The following THSD7A variants were observed in gnomAD, a reference collection of about 807,000 sequenced individuals.
The protein encoded by THSD7A is thrombospondin type-1 domain-containing protein 7A.
Under a neutral mutation model 231.3 loss-of-function variants are expected in THSD7A, and 96 were observed. The observed-to-expected ratio is 0.41, with a 90% CI of 0.35 to 0.49. The LOEUF is 0.49. THSD7A is among the 20% of genes least tolerant of loss of function. The probability of loss-of-function intolerance (pLI) is 0.05; values close to 1 mark genes in which losing one functional copy is unlikely to be tolerated. For synonymous variants in THSD7A, 940 were observed against 743.3 expected, an observed-to-expected ratio of 1.26 and a Z score of -4.30; for missense variants, 2,290 against 2,070.2, an observed-to-expected ratio of 1.11 and a Z score of -2.06.
chr7:11,509,736 G>A (rs1787713391), intron 6 of THSD7A, among the ~76,000 whole-genome samples: 2 of 147,772 alleles, frequency 1.4e-5, no homozygotes, highest in Admixed American at 1.4e-4. Flanking sequence ...GCAGGAGAAT[G>A]GCATGAACCC....
Position 11,523,123 on chromosome 7 carries a change from T to C in THSD7A, c.1822+18296A>G, listed in dbSNP as rs368190591. ...CCTAATGAAACATAACACATAATTTTCAGTTCTATATTGCTTTTGTACTTT... is the reference window on the plus strand; with the variant it reads ...CCTAATGAAACATAACACATAATTTCCAGTTCTATATTGCTTTTGTACTTT... On this transcript the variant is annotated intron_variant, in intron 6 of 27. Coordinates refer to ENST00000423059, the MANE Select transcript of THSD7A (RefSeq NM_015204.3). Among the ~76,000 whole-genome samples the C allele has an allele frequency of 1.4e-4, 21 of 152,266 alleles. No individual in the cohort carries two copies. In the South Asian group the frequency reaches 4.1e-3, roughly 30 times the overall value.
intron 1 of THSD7A, among the ~76,000 whole-genome samples, chr7:11,768,956 A>G (rs537560566): frequency 4.7e-4 from 67 of 143,506 alleles, no homozygotes; most frequent in South Asian, 2.5e-3. Flanking sequence ...GTTTTGTTTT[A>G]TTTTTGTTTT....
At chr7:11,423,430 G>C (rs1267175777) in intron 16 of THSD7A, among the ~76,000 whole-genome samples, 1 of 149,046 alleles carries the variant, frequency 6.7e-6, no homozygotes, top group African/African-American at 2.5e-5. Context: ...GTGCAGTGGC[G>C]CGATCTCGGC....
In THSD7A at chr7:11,720,129, C is replaced by A. The variant is rs1476998646; in HGVS notation, c.191-83168G>T. Among the ~76,000 whole-genome samples the A allele has an allele frequency of 4.6e-5, 7 of 151,786 alleles. No individual in the cohort carries two copies. In the South Asian group the frequency reaches 1.5e-3, roughly 32 times the overall value. ...GGGTACGATATAAATACATTTTGAA[C>A]GTCCATAGATCTTTCACCACTGCCC... On this transcript the variant is annotated intron_variant, in intron 1 of 27. Coordinates refer to ENST00000423059, the MANE Select transcript of THSD7A (RefSeq NM_015204.3).
intron 8 of THSD7A, among the ~76,000 whole-genome samples, chr7:11,472,702 C>T (rs545420099): frequency 6.6e-5 from 10 of 152,194 alleles, no homozygotes; most frequent in African/African-American, 2.2e-4. Context: ...CACATATAGG[C>T]GTGTACATAT....
At chr7:11,573,505 G>A (rs1790741246) in intron 4 of THSD7A, among the ~76,000 whole-genome samples, 1 of 152,194 alleles carries the variant, frequency 6.6e-6, no homozygotes, top group Non-Finnish European at 1.5e-5. Flanking sequence ...CAATTTTGAA[G>A]CTCAGTTCAC....
intron 13 of THSD7A, among the ~76,000 whole-genome samples, chr7:11,436,893 C>T (rs1554307342): frequency 6.6e-6 from 1 of 151,916 alleles, no homozygotes; most frequent in Non-Finnish European, 1.5e-5. Flanking sequence ...TATAAAATGT[C>T]TATTTAAAAG....
At chr7:11,391,106 G>A (rs1174450413) in intron 23 of THSD7A, among the ~76,000 whole-genome samples, 1 of 152,226 alleles carries the variant, frequency 6.6e-6, no homozygotes, top group Non-Finnish European at 1.5e-5. Flanking sequence ...CTGTTCCTTA[G>A]CAGAGATCAA....
chr7:11,827,283 T>C (rs369672697), intron 1 of THSD7A, among the ~76,000 whole-genome samples: 268 of 152,336 alleles, frequency 1.8e-3, no homozygotes, highest in African/African-American at 6.4e-3. Flanking sequence ...TATTCAACTT[T>C]ATTGATACTG....
chr7:11,510,244 T>A (rs777958863), intron 6 of THSD7A, among the ~76,000 whole-genome samples: 10 of 152,130 alleles, frequency 6.6e-5, no homozygotes, highest in Non-Finnish European at 1.3e-4. Context: ...AATCCCTGAA[T>A]AGACCAACAA....
In THSD7A at chr7:11,469,922, G is replaced by A; in HGVS notation, c.2325C>T (p.Thr775=). 2 of 1,603,202 alleles carry A rather than the reference G, an allele frequency of 1.2e-6. No individual in the cohort carries two copies. Among genetic ancestry groups the A allele is most frequent in the East Asian group, 4.5e-5 (2 of 44,550 alleles). ...LLPCKKDCIV[T]PYSDWTSCPS... ...GGCATGATGTCCAGTCACTATATGGGGTCACAATACAGTCCTTCTTACAAG... is the reference window on the plus strand; with the variant it reads ...GGCATGATGTCCAGTCACTATATGGAGTCACAATACAGTCCTTCTTACAAG... The change falls in exon 9 of 28, where the codon ACC becomes ACT. Residue 775 remains threonine (T), a synonymous_variant. Coordinates refer to ENST00000423059, the MANE Select transcript of THSD7A (RefSeq NM_015204.3).
chr7:11,610,607 A>T (rs1217485264), intron 2 of THSD7A, among the ~76,000 whole-genome samples: 1 of 152,158 alleles, frequency 6.6e-6, no homozygotes, highest in East Asian at 1.9e-4. Context: ...TTCTGCACTC[A>T]GAGAAATGGG....
chr7:11,767,583 T>C (rs1290588012), intron 1 of THSD7A, among the ~76,000 whole-genome samples: 1 of 152,176 alleles, frequency 6.6e-6, no homozygotes, highest in African/African-American at 2.4e-5. Context: ...ACTTTCAAAA[T>C]TATTGTATAT....
chr7:11,736,565 G>A (rs1282315407), intron 1 of THSD7A, among the ~76,000 whole-genome samples: 1 of 151,812 alleles, frequency 6.6e-6, no homozygotes, highest in East Asian at 1.9e-4. Context: ...ACTATTTAAA[G>A]CTATTGTAAG....
At chr7:11,519,477 C>A (rs1788173244) in intron 6 of THSD7A, among the ~76,000 whole-genome samples, 1 of 152,148 alleles carries the variant, frequency 6.6e-6, no homozygotes, top group Admixed American at 6.5e-5. Context: ...ATGTTCACTT[C>A]GCTAGGTACT....
At chr7:11,694,068 G>A (rs763429597) in intron 1 of THSD7A, among the ~76,000 whole-genome samples, 1 of 151,480 alleles carries the variant, frequency 6.6e-6, no homozygotes, top group African/African-American at 2.4e-5. Context: ...CTATATAAAA[G>A]TATGAATGAA....
intron 2 of THSD7A, among the ~76,000 whole-genome samples, chr7:11,612,044 C>T (rs888414381): frequency 6.6e-6 from 1 of 152,082 alleles, no homozygotes; most frequent in African/African-American, 2.4e-5. Context: ...CATGACATTG[C>T]CCCCAACTCC....
At chr7:11,493,977 C>A (rs1038454046) in intron 6 of THSD7A, among the ~76,000 whole-genome samples, 1 of 152,040 alleles carries the variant, frequency 6.6e-6, no homozygotes, top group East Asian at 1.9e-4. Context: ...CACATACACA[C>A]AGATTTATAC....
intron 1 of THSD7A, among the ~76,000 whole-genome samples, chr7:11,681,048 GC>G (rs1291505602): frequency 1.3e-5 from 2 of 152,092 alleles, no homozygotes; most frequent in Non-Finnish European, 2.9e-5. Context: ...CATGTCCTTT[GC>G]AGGGACATGG....
Sources: gnomAD v4.1 joint callset for allele counts (sites outside exome capture counted in the v4.1 genomes callset) on GRCh38, gnomAD v4.1.1 for gene constraint, MANE v1.5 for transcripts, NCBI Gene and HGNC (gene_info 2026-07-23, HGNC 2026-07-21) for gene names.